TUFM: variants seen among roughly 807,000 people sequenced by gnomAD.
The protein encoded by TUFM is Tu translation elongation factor, mitochondrial, also known as elongation factor Tu, mitochondrial.
A neutral mutation model predicts 45.0 loss-of-function variants in TUFM; 23 were observed. The observed-to-expected ratio is 0.51, with a 90% confidence interval of 0.37 to 0.72. The LOEUF is 0.72. Ranked by LOEUF, TUFM falls within the 30% of genes least tolerant of loss-of-function variation. The pLI, the probability that TUFM is intolerant of heterozygous loss-of-function variation, is 0.00. For missense variants in TUFM, 490 were observed against 610.7 expected, an observed-to-expected ratio of 0.80 and a Z score of 2.08; for synonymous variants, 243 against 252.9, an observed-to-expected ratio of 0.96 and a Z score of 0.37.
At chr16:28,845,638 G>A (rs1229886204) in intron 2 of TUFM, among the ~76,000 whole-genome samples, 158 bp from the exon 3 acceptor site, 2 of 152,196 alleles carry the variant, frequency 1.3e-5, no homozygotes, top group African/African-American at 2.4e-5. Context: ...ATGTTAGAGG[G>A]CCTTAAGGGT....
Position 28,843,993 on chromosome 16 carries a change from A to T in TUFM, c.1031T>A (p.Val344Asp). The T allele has an allele frequency of 6.2e-7, 1 of 1,614,030 alleles. No homozygotes were observed. Among genetic ancestry groups the T allele is most frequent in the Non-Finnish European group, 8.5e-7 (1 of 1,179,974 alleles). The change falls in exon 8 of 10, where the codon GTC becomes GAC. Residue 344 changes from valine (V) to aspartate (D), a missense_variant. Coordinates refer to ENST00000313511, the MANE Select transcript of TUFM (RefSeq NM_003321.5). The part of the protein sequence containing the change: ...REDLRRGLVM[V>D]KPGSIKPHQK... ...GTGGGGCTTGATGGAACCTGGCTTG[A>T]CCATGACCAGGCCCCGCCGCAAGTC...
Position 28,844,142 on chromosome 16 carries a change from A to G in TUFM, c.923-41T>C, listed in dbSNP as rs779336110. On this transcript the variant is annotated intron_variant, in intron 7 of 9. Coordinates refer to ENST00000313511, the MANE Select transcript of TUFM (RefSeq NM_003321.5). The surrounding 1 kb of genome is among the most constrained non-coding windows in gnomAD (Gnocchi z 5.8). ...AAAAGGAGCAGGGAGAAGGAAGGCG[A>G]ATGTGAGACAGAGGGAAGGCACAAG... The G allele has an allele frequency of 6.2e-7, 1 of 1,614,070 alleles. No individual in the cohort carries two copies. The highest frequency in any genetic ancestry group is 2.2e-5 in the East Asian group (1 of 44,878).
Position 28,842,413 on chromosome 16 carries a change from A to G in TUFM, c.*562T>C, listed in dbSNP as rs903606950. 5.7e-6 allele frequency: 1 copy of G among 176,156 alleles called. No homozygotes were observed. The highest frequency in any genetic ancestry group is 2.4e-5 in the African/African-American group (1 of 41,764). 10.9% of individuals were successfully genotyped at this position (176,156 alleles called of 1,614,324 possible). On this transcript the variant is annotated 3_prime_UTR_variant, in exon 10 of 10. Transcript: ENST00000313511. ...CATAACTTCACTGAGAAATCAAAAA[A>G]TTTGTGACCTGCTTTATTGTGGTAG...
Position 28,842,778 on chromosome 16 carries a change from G to C in TUFM, c.*197C>G. ...TCTCCAATTTGCACAAAGGACACAGGACACAGGCTGGCTTACTATTCAAAG... is the reference window on the plus strand; with the variant it reads ...TCTCCAATTTGCACAAAGGACACAGCACACAGGCTGGCTTACTATTCAAAG... On this transcript the variant is annotated 3_prime_UTR_variant, in exon 10 of 10. Coordinates refer to ENST00000313511, the MANE Select transcript of TUFM (RefSeq NM_003321.5). 1.4e-6 allele frequency: 1 copy of C among 707,030 alleles called. No homozygotes were observed. The highest frequency in any genetic ancestry group is 2.5e-6 in the Non-Finnish European group (1 of 401,152). The allele number at this position is 707,030 out of a possible 1,614,324, so 43.8% of individuals were successfully genotyped here.
In TUFM at chr16:28,844,780, TCCAGTTCCA is replaced by T. The variant is rs774706257; in HGVS notation, c.593_601del (p.Val198_Leu200del). The T allele has an allele frequency of 9.3e-6, 15 of 1,614,014 alleles. No homozygotes were observed. Among genetic ancestry groups the T allele is most frequent in the Admixed American group, 5.0e-5 (3 of 59,996 alleles). ...AAACTCGGTGAGCAGCTCCCGGATC[TCCAGTTCCA>T]CCAGTTCCACCATCTCAGAGTCCTG... is the stretch of plus-strand genomic sequence containing the variant. On this transcript the variant is annotated inframe_deletion, in exon 5 of 10. Coordinates refer to ENST00000313511, the MANE Select transcript of TUFM (RefSeq NM_003321.5). The surrounding 1 kb of genome is among the most constrained non-coding windows in gnomAD (Gnocchi z 5.8).
At chr16:28,843,205 T>G in intron 9 of TUFM, 57 bp from the exon 10 acceptor site, 1 of 1,592,770 alleles carries the variant, frequency 6.3e-7, no homozygotes, top group South Asian at 1.1e-5. Flanking sequence ...ATTCCTTAAG[T>G]CTTTTTTGGC....
chr16:28,846,134 C>A, intron 1 of TUFM, 28 bp from the exon 2 acceptor site: 2 of 1,612,634 alleles, frequency 1.2e-6, no homozygotes, highest in East Asian at 2.2e-5. Flanking sequence ...TGGAGTCAGG[C>A]AGGGAAGGGG....
In TUFM at chr16:28,843,716, A is replaced by C. The variant is rs781049281; in HGVS notation, c.1194+20T>G. The C allele has an allele frequency of 6.2e-6, 10 of 1,611,982 alleles. No homozygotes were observed. The highest frequency in any genetic ancestry group is 7.6e-6 in the Non-Finnish European group (9 of 1,179,830). On this transcript the variant is annotated intron_variant, in intron 9 of 9. Coordinates refer to ENST00000313511, the MANE Select transcript of TUFM (RefSeq NM_003321.5). ...ATAAAAAGTCCCCCCTCCACCCTACATTCCTCCCACCCACCGTACCTTCTC... is the reference window on the plus strand; with the variant it reads ...ATAAAAAGTCCCCCCTCCACCCTACCTTCCTCCCACCCACCGTACCTTCTC...
In TUFM at chr16:28,842,900, G is replaced by A. The variant is rs1347438044; in HGVS notation, c.*75C>T. On this transcript the variant is annotated 3_prime_UTR_variant, in exon 10 of 10. Coordinates refer to ENST00000313511, the MANE Select transcript of TUFM (RefSeq NM_003321.5). ...TGGGTTGCAGCCTATGCCATGAGAG[G>A]GTACTGGAAGCAGGAGGGAGCCCTG... 6.3e-7 allele frequency: 1 copy of A among 1,579,248 alleles called. No homozygotes were observed. The highest frequency in any genetic ancestry group is 1.3e-5 in the African/African-American group (1 of 74,110).
intron 9 of TUFM, 87 bp downstream of exon 9, chr16:28,843,649 G>A (rs1050287403): frequency 1.7e-5 from 27 of 1,577,912 alleles, no homozygotes; most frequent in Middle Eastern, 2.3e-4. Context: ...CACTCGGGTT[G>A]TCACAGTGTA....
intron 9 of TUFM, 62 bp downstream of exon 9, chr16:28,843,674 A>G: frequency 6.2e-7 from 1 of 1,607,224 alleles, no homozygotes; most frequent in Non-Finnish European, 8.5e-7. Context: ...TGGAACTATG[A>G]GTGAAGCAAA....
rs1308248182 is a variant in TUFM, at chr16:28,846,099, G to A, written c.60C>T (p.Ala20=). Residue 20 remains alanine (A), a synonymous_variant, in exon 2 of 10, where the codon GCC becomes GCT. Coordinates refer to ENST00000313511, the MANE Select transcript of TUFM (RefSeq NM_003321.5). The stretch of plus-strand genomic sequence containing the variant: ...CCTGCAGCAGGAAGGTCCGGCCGGC[G>A]GCGAGACCTGCCGGGACCGAAGCTT... ...LRATPHFSGL[A]AGRTFLLQGL... is the part of the protein sequence containing the mutation. 6.2e-7 allele frequency: 1 copy of A among 1,613,398 alleles called. No homozygotes were observed. The highest frequency in any genetic ancestry group is 1.7e-5 in the Admixed American group (1 of 59,976).
At position 28,846,198 on chromosome 16, in the gene TUFM, C is replaced by T. The variant is rs1340799367; in HGVS notation, c.52+20G>A. 6 of 1,583,556 alleles carry T rather than the reference C, an allele frequency of 3.8e-6. No homozygotes were observed. The highest frequency in any genetic ancestry group is 5.2e-6 in the Non-Finnish European group (6 of 1,165,038). ...CCCCAAAGTGTTCCTGGGCCGCCATCGCCCTCCCTGACCACTCACCGCTGA... is the reference window on the plus strand; with the variant it reads ...CCCCAAAGTGTTCCTGGGCCGCCATTGCCCTCCCTGACCACTCACCGCTGA... On this transcript the variant is annotated intron_variant, in intron 1 of 9. Coordinates refer to ENST00000313511, the MANE Select transcript of TUFM (RefSeq NM_003321.5).
chr16:28,843,589 C>T, intron 9 of TUFM, 147 bp downstream of exon 9: 1 of 1,218,528 alleles, frequency 8.2e-7, no homozygotes, highest in Non-Finnish European at 1.2e-6. Flanking sequence ...CATGCCCCTT[C>T]TGTTGGCTAG....
At position 28,846,187 on chromosome 16, in the gene TUFM, T is replaced by C. The variant is rs749500978; in HGVS notation, c.52+31A>G. On this transcript the variant is annotated intron_variant, in intron 1 of 9. Transcript: ENST00000313511. ...ACCTACCACTCCCCCAAAGTGTTCC[T>C]GGGCCGCCATCGCCCTCCCTGACCA... 8 of 1,589,752 alleles carry C rather than the reference T, an allele frequency of 5.0e-6. No individual in the cohort carries two copies. The South Asian group carries it at 9.0e-5, about 18-fold the overall frequency.
intron 9 of TUFM, 92 bp downstream of exon 9, chr16:28,843,644 G>T (rs1354659624): frequency 1.3e-6 from 2 of 1,565,432 alleles, no homozygotes; most frequent in South Asian, 1.2e-5. Context: ...AAAGCCACTC[G>T]GGTTGTCACA....
Position 28,842,859 on chromosome 16 carries a change from T to A in TUFM, c.*116A>T. The A allele has an allele frequency of 7.3e-7, 1 of 1,375,508 alleles. No homozygotes were observed. The highest frequency in any genetic ancestry group is 1.7e-5 in the Admixed American group (1 of 59,640). 85.2% of individuals were successfully genotyped at this position (1,375,508 alleles called of 1,614,324 possible). On this transcript the variant is annotated 3_prime_UTR_variant, in exon 10 of 10. Coordinates refer to ENST00000313511, the MANE Select transcript of TUFM (RefSeq NM_003321.5). ...CCCTTCCGAGCAGGGGAAATGTCCATCTAGCTGCCCTCTGCTGGGTTGCAG... is the reference window on the plus strand; with the variant it reads ...CCCTTCCGAGCAGGGGAAATGTCCAACTAGCTGCCCTCTGCTGGGTTGCAG...
At position 28,843,953 on chromosome 16, in the gene TUFM, G is replaced by A. The variant is rs749683561; in HGVS notation, c.1071C>T (p.Ala357=). The A allele has an allele frequency of 6.2e-7, 1 of 1,614,098 alleles. No individual in the cohort carries two copies. Among genetic ancestry groups the A allele is most frequent in the Non-Finnish European group, 8.5e-7 (1 of 1,180,010 alleles). The change falls in exon 8 of 10, where the codon GCC becomes GCT. Residue 357 remains alanine (A), a synonymous_variant. Coordinates refer to ENST00000313511, the MANE Select transcript of TUFM (RefSeq NM_003321.5). ...GSIKPHQKVE[A]QVYILSKEEG... is the part of the protein sequence containing the mutation. ...CACCGTCACCTGGAGCCCTCACCTG[G>A]GCCTCCACCTTCTGGTGGGGCTTGA...
At position 28,842,946 on chromosome 16, in the gene TUFM, C is replaced by T. The variant is rs751866536; in HGVS notation, c.*29G>A. 8.1e-6 allele frequency: 13 copies of T among 1,613,260 alleles called. No homozygotes were observed. Among genetic ancestry groups the T allele is most frequent in the South Asian group, 1.1e-5 (1 of 91,008 alleles). On this transcript the variant is annotated 3_prime_UTR_variant, in exon 10 of 10. Transcript: ENST00000313511. ...CCCTGGCTAGGGCAGGCCTTAAACG[C>T]AAGGGAAGCTGAGCAGAGATCTGCA...
Sources: gnomAD v4.1 joint callset for allele counts (sites outside exome capture counted in the v4.1 genomes callset) on GRCh38, gnomAD v4.1.1 for gene constraint, Gnocchi (gnomAD v3.1) non-coding constraint, MANE v1.5 for transcripts, NCBI Gene and HGNC (gene_info 2026-07-23, HGNC 2026-07-21) for gene names.